ZFPM1: variants seen among roughly 807,000 people sequenced by gnomAD.
The protein encoded by ZFPM1 is zinc finger protein ZFPM1.
ZFPM1 carries 28 observed loss-of-function variants against 46.3 expected under a neutral mutation model. The observed-to-expected ratio is 0.60, with a 90% CI of 0.45 to 0.83. The LOEUF (loss-of-function observed/expected upper bound fraction) is 0.83, where lower values mean the gene tolerates loss of function less well. Ranked by LOEUF, ZFPM1 falls within the 40% of genes least tolerant of loss-of-function variation. ZFPM1 has a pLI of 0.00. For missense variants in ZFPM1, 1,878 were observed against 1,432.4 expected (o/e 1.31, Z -5.02); for synonymous variants, 957 against 675.9 (o/e 1.42, Z -6.45).
chr16:88,473,288 C>A (rs1452803692), intron 1 of ZFPM1, among the ~76,000 whole-genome samples: 3 of 152,256 alleles, frequency 2.0e-5, no homozygotes, highest in Non-Finnish European at 2.9e-5. Context: ...GAACCACCCA[C>A]CCTTGGGCTG....
At chr16:88,486,095 TTACCCG>T (rs768522310) in intron 2 of ZFPM1, 52 bp downstream of exon 2, 21 of 1,540,446 alleles carry the variant, frequency 1.4e-5, no homozygotes, top group Non-Finnish European at 9.7e-6. Context: ...CCTCCATTGC[TTACCCG>T]TACCATGCCC....
chr16:88,477,314 C>T (rs1267314851), intron 1 of ZFPM1, among the ~76,000 whole-genome samples: 1 of 152,240 alleles, frequency 6.6e-6, no homozygotes, highest in Non-Finnish European at 1.5e-5. Flanking sequence ...GTAAGATTTT[C>T]AGTGACTCCT....
At chr16:88,529,192 G>A (rs957552578) in intron 6 of ZFPM1, among the ~76,000 whole-genome samples, 3 of 152,260 alleles carry the variant, frequency 2.0e-5, no homozygotes, top group African/African-American at 4.8e-5. Flanking sequence ...CGTGGCCATC[G>A]TGGACAGGCA....
chr16:88,456,470 G>A (rs1597223593), intron 1 of ZFPM1, among the ~76,000 whole-genome samples: 1 of 152,118 alleles, frequency 6.6e-6, no homozygotes, highest in African/African-American at 2.4e-5. Context: ...GTGTGGAGGC[G>A]CTGCAGACCT....
intron 6 of ZFPM1, among the ~76,000 whole-genome samples, chr16:88,531,574 C>G (rs1407770676): frequency 2.0e-5 from 3 of 152,214 alleles, no homozygotes; most frequent in Non-Finnish European, 4.4e-5. Flanking sequence ...TCTTTGCAGC[C>G]TGGCACTCCC....
At chr16:88,529,372 G>C (rs1912603077) in intron 6 of ZFPM1, among the ~76,000 whole-genome samples, 1 of 152,264 alleles carries the variant, frequency 6.6e-6, no homozygotes, top group African/African-American at 2.4e-5. Flanking sequence ...TTGTGAGCAA[G>C]TCGGATGTGA....
intron 3 of ZFPM1, among the ~76,000 whole-genome samples, chr16:88,500,477 C>T (rs570447122): frequency 5.1e-4 from 78 of 152,380 alleles, no homozygotes; most frequent in African/African-American, 1.2e-3. Flanking sequence ...GCGTGGGCAC[C>T]GTGACTGTCA....
chr16:88,515,764 A>C (rs1911258686), intron 4 of ZFPM1, among the ~76,000 whole-genome samples: 1 of 152,224 alleles, frequency 6.6e-6, no homozygotes, highest in African/African-American at 2.4e-5. Flanking sequence ...GCCACATTTC[A>C]GCTCCACCAC....
chr16:88,511,726 A>G (rs1396298170), intron 3 of ZFPM1, among the ~76,000 whole-genome samples: 1 of 152,138 alleles, frequency 6.6e-6, no homozygotes, highest in African/African-American at 2.4e-5. Context: ...GAGAACCACC[A>G]CGGCCTCTAT....
intron 3 of ZFPM1, among the ~76,000 whole-genome samples, chr16:88,500,897 G>C (rs531280872): frequency 8.5e-5 from 13 of 152,248 alleles, no homozygotes; most frequent in African/African-American, 2.4e-4. Context: ...ACGGCACCTC[G>C]GTGTCCTCAC....
At chr16:88,488,958 T>G in intron 2 of ZFPM1, 73 bp from the exon 3 acceptor site, 1 of 1,545,150 alleles carries the variant, frequency 6.5e-7, no homozygotes, top group Non-Finnish European at 8.7e-7. Context: ...CTCAGCATCC[T>G]TCCCAGCTAC....
At chr16:88,473,760 T>C (rs1908536628) in intron 1 of ZFPM1, among the ~76,000 whole-genome samples, 1 of 152,124 alleles carries the variant, frequency 6.6e-6, no homozygotes, top group African/African-American at 2.4e-5. Context: ...TCCGGCGGGC[T>C]TGCAGCCGCG....
intron 3 of ZFPM1, among the ~76,000 whole-genome samples, chr16:88,512,465 G>A (rs552646864): frequency 1.6e-4 from 25 of 152,270 alleles, no homozygotes; most frequent in African/African-American, 5.8e-4. Context: ...TTCCCTCTCT[G>A]AAAGGAAGTC....
intron 1 of ZFPM1, among the ~76,000 whole-genome samples, chr16:88,479,039 C>T (rs910834987): frequency 1.5e-4 from 23 of 152,320 alleles, no homozygotes; most frequent in South Asian, 4.1e-4. Flanking sequence ...CAGAAGGCGC[C>T]GTCTGCTCCG....
chr16:88,530,471 GC>G (rs1912702999), intron 6 of ZFPM1: 1 of 152,214 alleles, frequency 6.6e-6, no homozygotes, highest in Non-Finnish European at 1.5e-5. Flanking sequence ...TTCTGCGGCT[GC>G]CAGGGCACGG....
At chr16:88,526,652 GC>G (rs1912348066) in intron 4 of ZFPM1, among the ~76,000 whole-genome samples, 161 bp from the exon 5 acceptor site, 1 of 152,222 alleles carries the variant, frequency 6.6e-6, no homozygotes. Context: ...GATGGCCCAT[GC>G]CACACCTCTG....
At chr16:88,463,696 G>C (rs1908000707) in intron 1 of ZFPM1, among the ~76,000 whole-genome samples, 1 of 152,250 alleles carries the variant, frequency 6.6e-6, no homozygotes, top group Non-Finnish European at 1.5e-5. Context: ...ATTTTGAGGA[G>C]GGAACGAGAG....
chr16:88,459,322 C>G (rs1165400426), intron 1 of ZFPM1, among the ~76,000 whole-genome samples: 2 of 152,188 alleles, frequency 1.3e-5, no homozygotes, highest in Non-Finnish European at 2.9e-5. Context: ...ACGCTCAGCT[C>G]AAAATAGACA....
rs139834665 is a variant in ZFPM1 at position 88,529,904 on chromosome 16, G to C, written c.712+1666G>C. ...TGTTATGTGCTGGTGGGAATAGCTG[G>C]TGACACTGGAGAGAACGGGCCGAGC... On this transcript the variant is annotated intron_variant, in intron 6 of 9. Coordinates refer to ENST00000319555, the MANE Select transcript of ZFPM1 (RefSeq NM_153813.3). Among the ~76,000 whole-genome samples the C allele has an allele frequency of 7.8e-4, 119 of 152,324 alleles. 1 individual carries two copies. In the East Asian group the frequency reaches 0.022, roughly 28 times the overall value.
Sources: gnomAD v4.1 joint callset for allele counts (sites outside exome capture counted in the v4.1 genomes callset) on GRCh38, gnomAD v4.1.1 for gene constraint, MANE v1.5 for transcripts, NCBI Gene and HGNC (gene_info 2026-07-23, HGNC 2026-07-21) for gene names.